The following DIAPH3 variants were observed in gnomAD, a reference collection of about 807,000 sequenced individuals.
The protein encoded by DIAPH3 is protein diaphanous homolog 3.
In DIAPH3, 117 loss-of-function variants were observed where a neutral mutation model predicts 144.3. That is an observed-to-expected ratio of 0.81 (90% CI 0.70 to 0.95). The LOEUF is 0.95. Ranked by LOEUF, DIAPH3 falls within the 40% of genes least tolerant of loss-of-function variation. The probability of loss-of-function intolerance (pLI) is 0.00; values close to 1 mark genes in which losing one functional copy is unlikely to be tolerated. For missense variants in DIAPH3, 1,421 were observed against 1,412.7 expected (o/e 1.01, Z -0.09); for synonymous variants, 519 against 488.9 (o/e 1.06, Z -0.81).
intron 4 of DIAPH3, among the ~76,000 whole-genome samples, chr13:60,054,308 T>C (rs1238828346): frequency 6.6e-6 from 1 of 152,056 alleles, no homozygotes; most frequent in Non-Finnish European, 1.5e-5. Flanking sequence ...AGTTAGTTAC[T>C]AGATTCTAGA....
chr13:60,147,651 T>C (rs538580178), intron 1 of DIAPH3, among the ~76,000 whole-genome samples: 1 of 152,256 alleles, frequency 6.6e-6, no homozygotes, highest in Admixed American at 6.5e-5. Flanking sequence ...GTCTAGCTTG[T>C]AAAAATACAT....
intron 18 of DIAPH3, among the ~76,000 whole-genome samples, chr13:59,923,243 C>T (rs1196228882): frequency 6.6e-6 from 1 of 152,158 alleles, no homozygotes; most frequent in African/African-American, 2.4e-5. Flanking sequence ...GGAACTATTA[C>T]AAGACTATTT....
chr13:60,093,495 T>A, intron 4 of DIAPH3, 133 bp downstream of exon 4: 1 of 649,322 alleles, frequency 1.5e-6, no homozygotes. Flanking sequence ...AATATACTTG[T>A]GCCCTTAATT....
intron 22 of DIAPH3, among the ~76,000 whole-genome samples, chr13:59,857,202 T>C (rs2043307923): frequency 6.6e-6 from 1 of 152,188 alleles, no homozygotes; most frequent in Non-Finnish European, 1.5e-5. Context: ...TTATAGCAGA[T>C]AAATTTGAAA....
chr13:60,058,373 A>G (rs2056635708), intron 4 of DIAPH3, among the ~76,000 whole-genome samples: 1 of 152,048 alleles, frequency 6.6e-6, no homozygotes, highest in South Asian at 2.1e-4. Flanking sequence ...GATCGTTATT[A>G]AAAAGCCAAA....
intron 4 of DIAPH3, among the ~76,000 whole-genome samples, chr13:60,089,666 G>A (rs1306610245): frequency 1.3e-5 from 2 of 152,038 alleles, no homozygotes; most frequent in Admixed American, 6.6e-5. Flanking sequence ...TTCCAGCTAC[G>A]TGATCTAACA....
intron 4 of DIAPH3, among the ~76,000 whole-genome samples, chr13:60,053,545 G>A (rs971391351): frequency 7.2e-5 from 11 of 151,926 alleles, no homozygotes; most frequent in African/African-American, 1.7e-4. Context: ...ATTTCTGTTC[G>A]TCTAAAACTA....
chr13:59,794,559 C>T (rs982598480), intron 25 of DIAPH3, among the ~76,000 whole-genome samples: 9 of 151,982 alleles, frequency 5.9e-5, no homozygotes, highest in Non-Finnish European at 2.9e-5. Context: ...TGAAAAGTTA[C>T]AGATCTGTTG....
At chr13:59,919,342 C>T (rs2140278007) in intron 18 of DIAPH3, among the ~76,000 whole-genome samples, 1 of 151,936 alleles carries the variant, frequency 6.6e-6, no homozygotes, top group Middle Eastern at 3.4e-3. Context: ...TGATTGAATC[C>T]AATACTACAC....
intron 27 of DIAPH3, among the ~76,000 whole-genome samples, chr13:59,686,347 T>G (rs1379517): frequency 0.73 from 111,371 of 151,832 alleles, 41,082 homozygotes; most frequent in East Asian, 0.87. Flanking sequence ...GAGATGTCAC[T>G]TACACCTTTT....
intron 9 of DIAPH3, among the ~76,000 whole-genome samples, chr13:59,993,378 T>A (rs2051965564): frequency 6.6e-6 from 1 of 151,802 alleles, no homozygotes; most frequent in Non-Finnish European, 1.5e-5. Flanking sequence ...TTGTTGTTGA[T>A]AATACTATTT....
At chr13:59,897,616 C>T (rs918505982) in intron 20 of DIAPH3, among the ~76,000 whole-genome samples, 4 of 151,444 alleles carry the variant, frequency 2.6e-5, no homozygotes, top group Non-Finnish European at 4.4e-5. Flanking sequence ...GGCATGGTGG[C>T]GTGCACCTGT....
At chr13:59,973,873 A>G (rs538686762) in intron 15 of DIAPH3, among the ~76,000 whole-genome samples, 1 of 152,168 alleles carries the variant, frequency 6.6e-6, no homozygotes, top group East Asian at 1.9e-4. Context: ...CATAATCCAG[A>G]TTTACTCTCT....
chr13:59,694,554 T>C (rs144728195), intron 27 of DIAPH3, among the ~76,000 whole-genome samples: 283 of 152,298 alleles, frequency 1.9e-3, no homozygotes, highest in African/African-American at 6.3e-3. Context: ...AGCTAATTTT[T>C]ATAGCTTCTA....
At position 60,015,466 on chromosome 13, in the gene DIAPH3, T is replaced by G. The variant is rs186370854; in HGVS notation, c.771+447A>C. 2.3e-3 allele frequency among the ~76,000 whole-genome samples: 356 copies of G among 152,326 alleles called. 2 individuals carry two copies. Among genetic ancestry groups the G allele is most frequent in the African/African-American group, 8.1e-3 (338 of 41,570 alleles). ...TAGAATATAAGAAATCTTCCTAACT[T>G]GAACCTTTGGTAATAAGTATTATTG... On this transcript the variant is annotated intron_variant, in intron 7 of 27. Transcript: ENST00000400324.
chr13:59,950,381 C>G (rs1045072958), intron 17 of DIAPH3, among the ~76,000 whole-genome samples: 1 of 152,124 alleles, frequency 6.6e-6, no homozygotes, highest in African/African-American at 2.4e-5. Flanking sequence ...CTCTTGACTT[C>G]CTCTCCTTAT....
chr13:59,699,723 C>A (rs533855419), intron 27 of DIAPH3, among the ~76,000 whole-genome samples: 2 of 152,252 alleles, frequency 1.3e-5, no homozygotes, highest in South Asian at 4.1e-4. Context: ...ACTGTTGGAG[C>A]TAAATTAGAA....
intron 4 of DIAPH3, among the ~76,000 whole-genome samples, chr13:60,091,268 T>C (rs1237180782): frequency 6.6e-6 from 1 of 152,224 alleles, no homozygotes; most frequent in South Asian, 2.1e-4. Context: ...GTTTCTGTTA[T>C]GTACATCCAG....
intron 17 of DIAPH3, among the ~76,000 whole-genome samples, chr13:59,939,228 C>T (rs1460019978): frequency 6.6e-6 from 1 of 152,126 alleles, no homozygotes; most frequent in Non-Finnish European, 1.5e-5. Flanking sequence ...CAAACTTATA[C>T]ATTGGTTTGA....
Sources: allele counts gnomAD v4.1 joint callset (sites outside exome capture counted in the v4.1 genomes callset), GRCh38; gene constraint gnomAD v4.1.1; transcripts MANE v1.5; gene names NCBI Gene and HGNC (gene_info 2026-07-23, HGNC 2026-07-21).